Variants in PTPRZ1 observed in about 807,000 individuals in gnomAD.
The protein encoded by PTPRZ1 is receptor-type tyrosine-protein phosphatase zeta.
A neutral mutation model predicts 214.1 loss-of-function variants in PTPRZ1; 82 were observed. The observed-to-expected ratio is 0.38, with a 90% CI of 0.32 to 0.46. The LOEUF (loss-of-function observed/expected upper bound fraction) is 0.46. Ranked by LOEUF, PTPRZ1 falls within the 20% of genes least tolerant of loss-of-function variation. PTPRZ1 has a pLI of 1.00. For synonymous variants in PTPRZ1, 945 were observed against 987.9 expected, an observed-to-expected ratio of 0.96 and a Z score of 0.81; for missense variants, 2,603 against 2,748.7, an observed-to-expected ratio of 0.95 and a Z score of 1.19.
intron 22 of PTPRZ1, among the ~76,000 whole-genome samples, chr7:122,044,063 G>C (rs761165265): frequency 1.3e-4 from 20 of 152,126 alleles, no homozygotes; most frequent in Non-Finnish European, 2.5e-4. Context: ...GAAGGGGTAG[G>C]CCCACCAGAA....
At chr7:122,028,958 A>G (rs1220490694) in intron 14 of PTPRZ1, among the ~76,000 whole-genome samples, 1 of 152,052 alleles carries the variant, frequency 6.6e-6, no homozygotes, top group Admixed American at 6.6e-5. Flanking sequence ...ACTTTTACTT[A>G]TTCCTATTAT....
intron 2 of PTPRZ1, among the ~76,000 whole-genome samples, chr7:121,944,501 C>T (rs188818779): frequency 1.3e-5 from 2 of 152,030 alleles, no homozygotes; most frequent in African/African-American, 4.8e-5. Flanking sequence ...CTGAATATTT[C>T]TGGATTTCTA....
intron 1 of PTPRZ1, among the ~76,000 whole-genome samples, chr7:121,906,304 T>C (rs753992115): frequency 5.9e-5 from 9 of 152,170 alleles, no homozygotes; most frequent in Non-Finnish European, 1.2e-4. Flanking sequence ...ATATAAATTT[T>C]AGATTTAAGG....
chr7:121,949,884 A>T (rs1008114849), intron 2 of PTPRZ1, among the ~76,000 whole-genome samples: 10 of 152,064 alleles, frequency 6.6e-5, no homozygotes, highest in Non-Finnish European at 1.2e-4. Flanking sequence ...AGAGATAGAG[A>T]CTCCAATATC....
intron 4 of PTPRZ1, among the ~76,000 whole-genome samples, chr7:121,975,376 A>G (rs1005789363): frequency 4.6e-5 from 7 of 152,292 alleles, no homozygotes; most frequent in Non-Finnish European, 8.8e-5. Context: ...TGACTTGAAC[A>G]CATGCCCTTC....
chr7:121,978,550 T>C (rs1392059058), intron 6 of PTPRZ1, among the ~76,000 whole-genome samples: 1 of 152,120 alleles, frequency 6.6e-6, no homozygotes, highest in African/African-American at 2.4e-5. Context: ...TCAAATCTCG[T>C]GAGAACTCAC....
intron 2 of PTPRZ1, among the ~76,000 whole-genome samples, chr7:121,938,783 A>G (rs1211911387): frequency 1.3e-5 from 2 of 152,188 alleles, no homozygotes; most frequent in East Asian, 1.9e-4. Flanking sequence ...CTGGTTTTCA[A>G]TGGGGAGAAT....
In PTPRZ1 at chr7:122,011,497, A is replaced by G; in HGVS notation, c.2451A>G (p.Ala817=). ...CCATCCTGTCTTCCTATGATGGTGC[A>G]CCTTTGCTTCCATTTTCCTCTGCTT... is the stretch of plus-strand genomic sequence containing the variant. The part of the protein sequence containing the change: ...FESILSSYDG[A]PLLPFSSASF... Residue 817 remains alanine, a synonymous_variant, in exon 12 of 30, where the codon GCA becomes GCG. Transcript: ENST00000393386. 2 of 1,613,730 alleles carry G rather than the reference A, an allele frequency of 1.2e-6. No homozygotes were observed. Among genetic ancestry groups the G allele is most frequent in the Non-Finnish European group, 1.7e-6 (2 of 1,179,840 alleles).
chr7:121,956,577 T>C (rs1796713791), intron 2 of PTPRZ1, among the ~76,000 whole-genome samples: 1 of 152,216 alleles, frequency 6.6e-6, no homozygotes, highest in Admixed American at 6.5e-5. Context: ...TCTAGAAACA[T>C]AACCACTGCT....
At chr7:121,988,568 G>T (rs1797841087) in intron 8 of PTPRZ1, among the ~76,000 whole-genome samples, 1 of 152,142 alleles carries the variant, frequency 6.6e-6, no homozygotes, top group Non-Finnish European at 1.5e-5. Flanking sequence ...TGCTTCAGGG[G>T]TGTTTATGTG....
rs115880583 is a variant in PTPRZ1 at position 121,907,539 on chromosome 7, C to A, written c.59-20617C>A. 3.3e-3 allele frequency among the ~76,000 whole-genome samples: 505 copies of A among 151,966 alleles called. 3 individuals are homozygous for A. The highest frequency in any genetic ancestry group is 0.012 in the African/African-American group (485 of 41,496). On this transcript the variant is annotated intron_variant, in intron 1 of 29. Coordinates refer to ENST00000393386, the MANE Select transcript of PTPRZ1 (RefSeq NM_002851.3). ...TGATTTCAGTATCCATCTAAATTTTCATATGGTTTCATTTAATCATAGGAT... is the reference window on the plus strand; with the variant it reads ...TGATTTCAGTATCCATCTAAATTTTAATATGGTTTCATTTAATCATAGGAT...
chr7:121,927,237 A>T (rs1203226699), intron 1 of PTPRZ1, among the ~76,000 whole-genome samples: 1 of 152,232 alleles, frequency 6.6e-6, no homozygotes, highest in Admixed American at 6.5e-5. Context: ...CTACAGAAAC[A>T]GTTCTGCCAT....
At chr7:121,960,061 C>T (rs922801144) in intron 2 of PTPRZ1, among the ~76,000 whole-genome samples, 24 of 152,274 alleles carry the variant, frequency 1.6e-4, no homozygotes, top group Non-Finnish European at 1.8e-4. Flanking sequence ...CTTTTTGAGG[C>T]GGTGTCTTGC....
At chr7:121,944,831 C>T (rs1214761821) in intron 2 of PTPRZ1, among the ~76,000 whole-genome samples, 3 of 151,846 alleles carry the variant, frequency 2.0e-5, no homozygotes, top group Non-Finnish European at 4.4e-5. Context: ...TTAGTAGAGA[C>T]GGGGTTTCAA....
intron 13 of PTPRZ1, among the ~76,000 whole-genome samples, chr7:122,027,286 G>C (rs989211661): frequency 6.6e-6 from 1 of 152,170 alleles, no homozygotes; most frequent in African/African-American, 2.4e-5. Flanking sequence ...GCTGGATCCT[G>C]GTGGGTGAGG....
chr7:122,042,488 G>T, intron 21 of PTPRZ1, 120 bp from the exon 22 acceptor site: 1 of 974,042 alleles, frequency 1.0e-6, no homozygotes, highest in Non-Finnish European at 1.5e-6. Context: ...AATGTATTGT[G>T]TGGCTCACTC....
chr7:121,877,126 T>G (rs1794085824), intron 1 of PTPRZ1, among the ~76,000 whole-genome samples: 1 of 152,244 alleles, frequency 6.6e-6, no homozygotes, highest in South Asian at 2.1e-4. Flanking sequence ...GTTTCAGCAC[T>G]GAGCATTTTA....
intron 1 of PTPRZ1, among the ~76,000 whole-genome samples, chr7:121,895,028 G>T (rs1203307309): frequency 6.6e-6 from 1 of 152,190 alleles, no homozygotes; most frequent in African/African-American, 2.4e-5. Context: ...AAGACAGAAG[G>T]AAAATGTGTC....
intron 17 of PTPRZ1, among the ~76,000 whole-genome samples, chr7:122,035,123 A>G (rs1248013126): frequency 6.6e-6 from 1 of 152,056 alleles, no homozygotes; most frequent in Non-Finnish European, 1.5e-5. Context: ...TACCCTTTCT[A>G]TATATTCAGT....
Sources: allele counts gnomAD v4.1 joint callset (sites outside exome capture counted in the v4.1 genomes callset), GRCh38; gene constraint gnomAD v4.1.1; transcripts MANE v1.5; gene names NCBI Gene and HGNC (gene_info 2026-07-23, HGNC 2026-07-21).